Variants in ZNF778 observed in about 807,000 individuals in gnomAD.
ZNF778 encodes zinc finger protein 778.
Under a neutral mutation model 23.9 loss-of-function variants are expected in ZNF778, and 37 were observed. The observed-to-expected ratio is 1.54, with a 90% CI of 1.19 to 2.03. The LOEUF (loss-of-function observed/expected upper bound fraction) is 2.03, where lower values mean the gene tolerates loss of function less well. ZNF778 is among the 30% of genes most tolerant of loss of function. ZNF778 has a pLI of 0.00. For synonymous variants in ZNF778, 483 were observed against 343.9 expected, an observed-to-expected ratio of 1.40 and a Z score of -4.48; for missense variants, 1,297 against 934.4, an observed-to-expected ratio of 1.39 and a Z score of -5.06.
rs552034419 is a variant in ZNF778, at chr16:89,227,632, A to C, written c.1344A>C (p.Pro448=). The change falls in exon 7 of 7, where the codon CCA becomes CCC. Residue 448 remains proline, a synonymous_variant. Coordinates refer to ENST00000433976, the MANE Select transcript of ZNF778 (RefSeq NM_001201407.2). ...TACGAACACACACGGGCGAGAAGCCATACACGTGTAAGGACTGCGGGAAAG... is the reference window on the plus strand; with the variant it reads ...TACGAACACACACGGGCGAGAAGCCCTACACGTGTAAGGACTGCGGGAAAG... ...RHVRTHTGEK[P]YTCKDCGKAF... The C allele has an allele frequency of 6.2e-7, 1 of 1,613,892 alleles. No homozygotes were observed. The highest frequency in any genetic ancestry group is 1.3e-5 in the African/African-American group (1 of 74,876).
chr16:89,219,801 C>T (rs1014696011), intron 1 of ZNF778, among the ~76,000 whole-genome samples: 3 of 152,072 alleles, frequency 2.0e-5, no homozygotes, highest in African/African-American at 7.2e-5. Context: ...CTGTTATATA[C>T]GTTGCCCCTA....
At chr16:89,222,454 C>T (rs761097874) in intron 3 of ZNF778, among the ~76,000 whole-genome samples, 2 of 152,198 alleles carry the variant, frequency 1.3e-5, no homozygotes, top group Non-Finnish European at 2.9e-5. Flanking sequence ...ATCTCCGCCT[C>T]CCAGGTTCAA....
chr16:89,227,894 AAGGACTGTG>A lies in ZNF778; in HGVS notation c.1607_1615del (p.Lys536_Gly539delinsArg). ...CACCGGGGAGAAGCCCTATGAATGT[AAGGACTGTG>A]GGAAAGCCTACAATAGGGTTTATCT... On this transcript the variant is annotated inframe_deletion, in exon 7 of 7. Transcript: ENST00000433976. 1 of 1,614,192 alleles carries A rather than the reference AAGGACTGTG, an allele frequency of 6.2e-7. No homozygotes were observed. The highest frequency in any genetic ancestry group is 8.5e-7 in the Non-Finnish European group (1 of 1,180,010).
At position 89,232,661 on chromosome 16, in the gene ZNF778, G is replaced by C. The variant is rs1377380833; in HGVS notation, c.*4099G>C. On this transcript the variant is annotated 3_prime_UTR_variant, in exon 7 of 7. Transcript: ENST00000433976. Reference sequence around the variant, plus strand: ...AATTATGTTTTTTTTTTTTTTGTTAGGGTACATTTTCATCCTGGGGTCTTG... The same window carrying C: ...AATTATGTTTTTTTTTTTTTTGTTACGGTACATTTTCATCCTGGGGTCTTG... 6 of 1,204,238 alleles carry C rather than the reference G, an allele frequency of 5.0e-6. No homozygotes were observed. The African/African-American group carries it at 6.4e-5, about 13-fold the overall frequency. The allele number at this position is 1,204,238 out of a possible 1,614,324, so 74.6% of individuals were successfully genotyped here.
intron 4 of ZNF778, among the ~76,000 whole-genome samples, chr16:89,224,231 A>G (rs2031249773): frequency 6.6e-6 from 1 of 150,942 alleles, no homozygotes; most frequent in Non-Finnish European, 1.5e-5. Context: ...CCACGCCTGT[A>G]ATCCCAGCAC....
intron 1 of ZNF778, among the ~76,000 whole-genome samples, chr16:89,219,499 C>G (rs924434814): frequency 6.6e-6 from 1 of 152,210 alleles, no homozygotes; most frequent in Non-Finnish European, 1.5e-5. Flanking sequence ...TCCTTCTCTA[C>G]TCTGTCCTGG....
chr16:89,227,121 G>A lies in ZNF778; in HGVS notation c.833G>A (p.Arg278Lys), dbSNP rs2031545862. 6.2e-7 allele frequency: 1 copy of A among 1,614,060 alleles called. No individual in the cohort carries two copies. The highest frequency in any genetic ancestry group is 1.7e-5 in the Admixed American group (1 of 60,034). Residue 278 changes from arginine to lysine, a missense_variant, in exon 7 of 7, where the codon AGG (arginine) becomes AAG (lysine). Coordinates refer to ENST00000433976, the MANE Select transcript of ZNF778 (RefSeq NM_001201407.2). Reference sequence around the variant, plus strand: ...ACACCTGTTGAAATGCATGCCGTCAGGAATCCCCACGTATGTAGGGAATGT... The same window carrying A: ...ACACCTGTTGAAATGCATGCCGTCAAGAATCCCCACGTATGTAGGGAATGT... ...CATPVEMHAV[R>K]NPHVCRECGK...
intron 1 of ZNF778, among the ~76,000 whole-genome samples, chr16:89,220,256 CAT>C (rs1177506475): frequency 2.6e-5 from 4 of 152,220 alleles, no homozygotes; most frequent in African/African-American, 7.2e-5. Flanking sequence ...GTTTTTCTGA[CAT>C]GTGAAACTTT....
chr16:89,220,081 A>T (rs1424055479), intron 1 of ZNF778, among the ~76,000 whole-genome samples: 1 of 152,206 alleles, frequency 6.6e-6, no homozygotes, highest in Non-Finnish European at 1.5e-5. Flanking sequence ...TCCTCTGGGG[A>T]TGATGTTAAG....
chr16:89,227,695 G>A lies in ZNF778; in HGVS notation c.1407G>A (p.Arg469=), dbSNP rs1208195753. 6.2e-7 allele frequency: 1 copy of A among 1,614,122 alleles called. No individual in the cohort carries two copies. Among genetic ancestry groups the A allele is most frequent in the Non-Finnish European group, 8.5e-7 (1 of 1,180,022 alleles). ...CCTCGGGCCTTACTGAGCATGTAAG[G>A]ACTCACACTGGAGAGAAACCATATG... ...CTSSGLTEHV[R]THTGEKPYEC... Residue 469 remains arginine (R), a synonymous_variant, in exon 7 of 7, where the codon AGG becomes AGA. Transcript: ENST00000433976.
rs1567503666 is a variant in ZNF778 at position 89,226,704 on chromosome 16, A to T, written c.416A>T (p.His139Leu). The change falls in exon 7 of 7, where the codon CAC becomes CTC. Residue 139 changes from histidine (H) to leucine (L), a missense_variant. His to Leu is a moderately conservative substitution (Grantham distance 99, BLOSUM62 -3). Transcript: ENST00000433976. ...ATTCTTCACCAACAGGCAAGAAGCC[A>T]CAATGGAGGGCAGCTCTGTGACCGC... ...ASNETQTARS[H>L]NGGQLCDRTQ... The T allele has an allele frequency of 6.8e-6, 11 of 1,609,556 alleles. No homozygotes were observed. The highest frequency in any genetic ancestry group is 9.3e-6 in the Non-Finnish European group (11 of 1,176,836).
At chr16:89,219,122 TAAAA>T (rs552897641) in intron 1 of ZNF778, among the ~76,000 whole-genome samples, 7 of 152,130 alleles carry the variant, frequency 4.6e-5, no homozygotes, top group Admixed American at 1.3e-4. Context: ...AATAAAAAAA[TAAAA>T]AAATAAGAAG....
chr16:89,232,965 G>A lies in ZNF778; in HGVS notation c.*4403G>A, dbSNP rs552177927. 4.8e-4 allele frequency: 608 copies of A among 1,262,110 alleles called. 38 individuals carry two copies. The South Asian group carries it at 5.7e-3, about 12-fold the overall frequency. The allele number at this position is 1,262,110 out of a possible 1,614,324, so 78.2% of individuals were successfully genotyped here. ...GCCTATGCAACTCAGCTCGCTCTGC[G>A]TATGCAACTGAGCTCGCTCTGCGTA... On this transcript the variant is annotated 3_prime_UTR_variant, in exon 7 of 7. Coordinates refer to ENST00000433976, the MANE Select transcript of ZNF778 (RefSeq NM_001201407.2).
At chr16:89,223,336 C>G in intron 4 of ZNF778, 53 bp downstream of exon 4, 1 of 1,607,552 alleles carries the variant, frequency 6.2e-7, no homozygotes, top group Non-Finnish European at 8.5e-7. Context: ...CTTGATGTGT[C>G]CTTACTGTGT....
At chr16:89,224,247 G>T (rs1369077475) in intron 4 of ZNF778, among the ~76,000 whole-genome samples, 1 of 151,912 alleles carries the variant, frequency 6.6e-6, no homozygotes, top group South Asian at 2.1e-4. Flanking sequence ...AGCACTCTGG[G>T]ATGCTGGACG....
At position 89,230,180 on chromosome 16, in the gene ZNF778, C is replaced by A. The variant is rs2031841275; in HGVS notation, c.*1618C>A. The stretch of plus-strand genomic sequence containing the variant: ...AAAATGCCCTTGTTCCTCTCCCATA[C>A]CTGATCCCTTCAGATAAAACACCAG... On this transcript the variant is annotated 3_prime_UTR_variant, in exon 7 of 7. Transcript: ENST00000433976. 1.1e-5 allele frequency: 5 copies of A among 469,928 alleles called. No individual in the cohort carries two copies. The highest frequency in any genetic ancestry group is 6.4e-5 in the Admixed American group (1 of 15,646). The allele number at this position is 469,928 out of a possible 1,614,324, so 29.1% of individuals were successfully genotyped here.
chr16:89,222,701 C>T (rs1267559912), intron 3 of ZNF778, among the ~76,000 whole-genome samples: 3 of 152,178 alleles, frequency 2.0e-5, no homozygotes, highest in Non-Finnish European at 2.9e-5. Context: ...GTGCCAAATG[C>T]GTGTTTCGTA....
intron 3 of ZNF778, among the ~76,000 whole-genome samples, chr16:89,222,702 G>A (rs572207993): frequency 1.3e-5 from 2 of 152,316 alleles, no homozygotes; most frequent in Admixed American, 1.3e-4. Flanking sequence ...TGCCAAATGC[G>A]TGTTTCGTAC....
chr16:89,221,062 A>G lies in ZNF778; in HGVS notation c.-66A>G. 1.3e-6 allele frequency: 2 copies of G among 1,541,464 alleles called. No homozygotes were observed. Among genetic ancestry groups the G allele is most frequent in the Non-Finnish European group, 8.8e-7 (1 of 1,137,944 alleles). ...GACTGTACCTTCCACATAGATTCAC[A>G]AGCTGCCCTGCAGTGGCCTTGGCTT... On this transcript the variant is annotated 5_prime_UTR_variant, in exon 2 of 7. Transcript: ENST00000433976.
Sources: gnomAD v4.1 joint callset for allele counts (sites outside exome capture counted in the v4.1 genomes callset) on GRCh38, gnomAD v4.1.1 for gene constraint, MANE v1.5 for transcripts, NCBI Gene and HGNC (gene_info 2026-07-23, HGNC 2026-07-21) for gene names.